ALDH1L2: variants seen among roughly 807,000 people sequenced by gnomAD.
ALDH1L2 encodes aldehyde dehydrogenase 1 family member L2, also known as mitochondrial 10-formyltetrahydrofolate dehydrogenase.
Under a neutral mutation model 111.0 loss-of-function variants are expected in ALDH1L2, and 91 were observed. The observed-to-expected ratio is 0.82, with a 90% CI of 0.69 to 0.98. ALDH1L2 has a LOEUF of 0.98. Among genes scored for constraint, ALDH1L2 ranks in the 50% least tolerant of loss-of-function variants. The pLI, the probability that ALDH1L2 is intolerant of heterozygous loss-of-function variation, is 0.00. For synonymous variants in ALDH1L2, 374 were observed against 392.6 expected (o/e 0.95, Z 0.56); for missense variants, 995 against 1,126.8 (o/e 0.88, Z 1.67).
chr12:105,031,480 ATTTTG>A (rs962262530), intron 20 of ALDH1L2, among the ~76,000 whole-genome samples: 4 of 137,482 alleles, frequency 2.9e-5, no homozygotes, highest in African/African-American at 1.1e-4. Context: ...TCTTTGTTTT[ATTTTG>A]TTTTGTTTTG....
In ALDH1L2 at chr12:105,062,885, C is replaced by G. The variant is rs151047634; in HGVS notation, c.921+3G>C. Reference sequence around the variant, plus strand: ...TTCATAGGCAGCCATATTTAACACTCACTGCTTTTCCATCGTTACCAAAAA... The same window carrying G: ...TTCATAGGCAGCCATATTTAACACTGACTGCTTTTCCATCGTTACCAAAAA... On this transcript the variant is annotated splice_donor_region_variant and intron_variant, in intron 7 of 22. Coordinates refer to ENST00000258494, the MANE Select transcript of ALDH1L2 (RefSeq NM_001034173.4). 4.3e-6 allele frequency: 7 copies of G among 1,609,632 alleles called. No individual in the cohort carries two copies. Among genetic ancestry groups the G allele is most frequent in the Non-Finnish European group, 5.1e-6 (6 of 1,178,676 alleles).
rs139711790 is a variant in ALDH1L2 at position 105,052,904 on chromosome 12, C to T, written c.1315G>A (p.Val439Ile). 2.5e-6 allele frequency: 4 copies of T among 1,613,840 alleles called. No homozygotes were observed. The highest frequency in any genetic ancestry group is 3.4e-6 in the Non-Finnish European group (4 of 1,179,762). ...ATGAAACACTGGTATGGCATTTTTA[C>T]CATGATTTCATTGACCTCCTTTGAA... ...YISKEVNEIM[V>I]KMPYQCFING... Residue 439 changes from valine (V) to isoleucine (I), a missense_variant, in exon 11 of 23, where the codon GTA becomes ATA. Val to Ile is a conservative substitution (Grantham distance 29). Coordinates refer to ENST00000258494, the MANE Select transcript of ALDH1L2 (RefSeq NM_001034173.4).
In ALDH1L2 at chr12:105,070,603, A is replaced by G. The variant is rs1365353227; in HGVS notation, c.395T>C (p.Leu132Pro). The change falls in exon 3 of 23, where the codon CTG (leucine) becomes CCG (proline). Residue 132 changes from leucine to proline, a missense_variant. Physicochemically the swap from Leu to Pro is moderately conservative, Grantham distance 98 (BLOSUM62 -3). Coordinates refer to ENST00000258494, the MANE Select transcript of ALDH1L2 (RefSeq NM_001034173.4). ...AGCAGAGGCTCCTCTGTGCCTGGGC[A>G]GGATGGATGGGTGATAAATGATAGA... The part of the protein sequence containing the change: ...HGSIIYHPSI[L>P]PRHRGASAIN... The G allele has an allele frequency of 6.2e-7, 1 of 1,613,940 alleles. No individual in the cohort carries two copies. The highest frequency in any genetic ancestry group is 8.5e-7 in the Non-Finnish European group (1 of 1,179,940).
intron 18 of ALDH1L2, among the ~76,000 whole-genome samples, chr12:105,036,546 A>T (rs57612073): frequency 2.2e-5 from 1 of 45,194 alleles, no homozygotes; most frequent in African/African-American, 1.6e-4. Context: ...ATATATATAT[A>T]TATATATATA....
intron 21 of ALDH1L2, among the ~76,000 whole-genome samples, chr12:105,028,961 T>C (rs1239350341): frequency 6.6e-6 from 1 of 152,208 alleles, no homozygotes; most frequent in Non-Finnish European, 1.5e-5. Flanking sequence ...AAGATTCATT[T>C]TATGTTCTGA....
At chr12:105,033,104 A>C (rs1164955092) in intron 19 of ALDH1L2, among the ~76,000 whole-genome samples, 1 of 152,174 alleles carries the variant, frequency 6.6e-6, no homozygotes, top group Non-Finnish European at 1.5e-5. Context: ...GCCTGGCCGT[A>C]ATCTCTTAGT....
chr12:105,022,997 G>C lies in ALDH1L2; in HGVS notation c.*1427C>G, dbSNP rs908535797. On this transcript the variant is annotated 3_prime_UTR_variant, in exon 23 of 23. Transcript: ENST00000258494. The stretch of plus-strand genomic sequence containing the variant: ...GACTCATGTGATTCAGAAATTTGCC[G>C]CCTTCTAGTCACACATAGATGGTGA... 1 of 152,026 alleles carries C rather than the reference G, an allele frequency of 6.6e-6. No individual in the cohort carries two copies. The highest frequency in any genetic ancestry group is 2.4e-5 in the African/African-American group (1 of 41,388). The allele number at this position is 152,026 out of a possible 1,614,324, so 9.4% of individuals were successfully genotyped here. A position where few individuals can be genotyped will look rare whatever the true frequency, so the allele number is the denominator to read the frequency against.
At chr12:105,057,542 G>A (rs1192533922) in intron 10 of ALDH1L2, among the ~76,000 whole-genome samples, 3 of 152,098 alleles carry the variant, frequency 2.0e-5, no homozygotes, top group African/African-American at 7.2e-5. Flanking sequence ...TAAACAAACT[G>A]TGGTATACTT....
chr12:105,057,261 G>A (rs1876688258), intron 10 of ALDH1L2, among the ~76,000 whole-genome samples: 1 of 152,048 alleles, frequency 6.6e-6, no homozygotes, highest in African/African-American at 2.4e-5. Flanking sequence ...ACAGATGAGA[G>A]CAAATATTGG....
rs144653041 is a variant in ALDH1L2, at chr12:105,041,688, C to G, written c.1864-994G>C. 6.4e-3 allele frequency among the ~76,000 whole-genome samples: 973 copies of G among 152,200 alleles called. 8 individuals are homozygous for G. The highest frequency in any genetic ancestry group is 0.022 in the African/African-American group (921 of 41,506). ...TTCCTTTTACGTGTAGTAGTTGGCT[C>G]TCTACTCTAAGTGTTTTCCATTCTG... On this transcript the variant is annotated intron_variant, in intron 15 of 22. Coordinates refer to ENST00000258494, the MANE Select transcript of ALDH1L2 (RefSeq NM_001034173.4).
Position 105,073,951 on chromosome 12 carries a change from G to A in ALDH1L2, c.103C>T (p.Gln35Ter), listed in dbSNP as rs779166085. The A allele has an allele frequency of 4.3e-6, 7 of 1,614,106 alleles. No individual in the cohort carries two copies. The South Asian group carries it at 7.7e-5, about 18-fold the overall frequency. ...TTGCGGAGGTGGCTATAGACTTCTT[G>A]TCCAAAGAGGCTCTGGCCAATTAGT... ...LALIGQSLFG[Q>*]EVYSHLRKEG... Residue 35 changes from glutamine (Q) to a stop codon, truncating the protein, a stop_gained, in exon 2 of 23, where the codon CAA becomes TAA. Transcript: ENST00000258494. LOFTEE classifies it high-confidence loss of function.
chr12:105,068,524 G>C (rs1877504596), intron 4 of ALDH1L2, among the ~76,000 whole-genome samples, 195 bp downstream of exon 4: 2 of 151,974 alleles, frequency 1.3e-5, no homozygotes, highest in Non-Finnish European at 2.9e-5. Context: ...AAATAAGTCA[G>C]TTTCATAGAC....
chr12:105,061,874 G>T, intron 7 of ALDH1L2, 122 bp from the exon 8 acceptor site: 1 of 1,136,802 alleles, frequency 8.8e-7, no homozygotes, highest in Non-Finnish European at 1.2e-6. Context: ...GAAAAATACA[G>T]ATTAAAAGCA....
intron 2 of ALDH1L2, among the ~76,000 whole-genome samples, chr12:105,073,048 C>T (rs1347103415): frequency 2.0e-5 from 3 of 152,182 alleles, no homozygotes; most frequent in Non-Finnish European, 2.9e-5. Flanking sequence ...TTTTTGGCTG[C>T]CCCAGAGCTA....
At chr12:105,030,263 CA>C in intron 21 of ALDH1L2, 60 bp downstream of exon 21, 1 of 1,355,396 alleles carries the variant, frequency 7.4e-7, no homozygotes, top group Non-Finnish European at 1.0e-6. Context: ...AGCACAGTGG[CA>C]AAGGGGAAAA....
chr12:105,061,600 G>GT, intron 8 of ALDH1L2, 27 bp downstream of exon 8: 1 of 1,612,032 alleles, frequency 6.2e-7, no homozygotes, highest in Non-Finnish European at 8.5e-7. Flanking sequence ...CAAGGTAACA[G>GT]TAAGATTTAA....
intron 5 of ALDH1L2, among the ~76,000 whole-genome samples, chr12:105,066,258 G>A (rs1877346323): frequency 6.6e-6 from 1 of 152,146 alleles, no homozygotes; most frequent in African/African-American, 2.4e-5. Context: ...TTATTTGCTT[G>A]TTTGTTTGTT....
chr12:105,037,245 C>T (rs79194594), intron 18 of ALDH1L2, among the ~76,000 whole-genome samples: 10,030 of 152,112 alleles, frequency 0.066, 467 homozygotes, highest in East Asian at 0.19. Flanking sequence ...TTAAAATAAG[C>T]CTTTATACTT....
At chr12:105,062,796 C>G in intron 7 of ALDH1L2, 92 bp downstream of exon 7, 4 of 1,479,414 alleles carry the variant, frequency 2.7e-6, no homozygotes, top group Non-Finnish European at 3.6e-6. Context: ...TCCTCCCCAG[C>G]CAGCAATGGA....
Sources: gnomAD v4.1 joint callset for allele counts (sites outside exome capture counted in the v4.1 genomes callset) on GRCh38, gnomAD v4.1.1 for gene constraint, MANE v1.5 for transcripts, NCBI Gene and HGNC (gene_info 2026-07-23, HGNC 2026-07-21) for gene names.